CORO2B: variants seen among roughly 807,000 people sequenced by gnomAD.
The protein encoded by CORO2B is coronin 2B, also known as coronin-2B.
In CORO2B, 26 loss-of-function variants were observed where a neutral mutation model predicts 58.8. That is an observed-to-expected ratio of 0.44 (90% CI 0.32 to 0.61). The LOEUF is 0.61. CORO2B is among the 20% of genes least tolerant of loss of function. CORO2B has a pLI of 0.04. For synonymous variants in CORO2B, 242 were observed against 253.8 expected (o/e 0.95, Z 0.44); for missense variants, 460 against 645.1 (o/e 0.71, Z 3.11).
At chr15:68,519,827 G>A in the CORO2B span, among the ~76,000 whole-genome samples, 1 of 152,142 alleles carries the variant, frequency 6.6e-6, no homozygotes, top group Non-Finnish European at 1.5e-5. Flanking sequence ...AGCTCTCTAA[G>A]CATAGCAAGC....
At chr15:68,702,821 CTTTT>C (rs113249272) in intron 3 of CORO2B, among the ~76,000 whole-genome samples, 3 of 96,248 alleles carry the variant, frequency 3.1e-5, no homozygotes, top group East Asian at 2.7e-4. Flanking sequence ...TTTTCTTTTT[CTTTT>C]TTTTTTTTTT....
At chr15:68,547,575 C>T in the CORO2B span, among the ~76,000 whole-genome samples, 1 of 151,984 alleles carries the variant, frequency 6.6e-6, no homozygotes. Flanking sequence ...ATCTCCTGAC[C>T]TCATGATCCA....
intron 1 of CORO2B, among the ~76,000 whole-genome samples, chr15:68,627,178 C>T (rs986610323): frequency 6.6e-6 from 1 of 152,178 alleles, no homozygotes. Context: ...TATAAAATTT[C>T]ATTTTTACTT....
intron 2 of CORO2B, among the ~76,000 whole-genome samples, chr15:68,650,184 C>G (rs1006698575): frequency 7.2e-5 from 11 of 152,130 alleles, no homozygotes; most frequent in African/African-American, 2.7e-4. Flanking sequence ...GCCTGACCAA[C>G]ATGGAGAAAC....
Position 68,590,356 on chromosome 15 carries a change from G to GC in CORO2B, c.15+11086dup, listed in dbSNP as rs796453831. Reference sequence around the variant, plus strand: ...GGAACAACAAAGCTCTTCGGAGGCTGCCCCCCCATGCCCAGCCCTGCACTT... The same window carrying GC: ...GGAACAACAAAGCTCTTCGGAGGCTGCCCCCCCCATGCCCAGCCCTGCACTT... On this transcript the variant is annotated intron_variant, in intron 1 of 11. Coordinates refer to ENST00000261861, the MANE Select transcript of CORO2B (RefSeq NM_006091.5). Among the ~76,000 whole-genome samples the GC allele has an allele frequency of 8.5e-5, 13 of 152,116 alleles. No homozygotes were observed. The East Asian group carries it at 2.1e-3, about 25-fold the overall frequency.
chr15:68,645,230 A>G lies in CORO2B; in HGVS notation c.86A>G (p.His29Arg). The G allele has an allele frequency of 1.2e-6, 2 of 1,614,088 alleles. No homozygotes were observed. The highest frequency in any genetic ancestry group is 1.1e-5 in the South Asian group (1 of 91,076). The change falls in exon 2 of 12, where the codon CAC (histidine) becomes CGC (arginine). Residue 29 changes from histidine (H) to arginine (R), a missense_variant. Coordinates refer to ENST00000261861, the MANE Select transcript of CORO2B (RefSeq NM_006091.5). The surrounding 1 kb of genome is among the most constrained non-coding windows in gnomAD (Gnocchi z 4.5). ...NVYGKVANRE[H>R]CFDGIPITKN... ...TACGGGAAGGTGGCCAACCGGGAGCACTGCTTCGATGGGATCCCCATCACC... is the reference window on the plus strand; with the variant it reads ...TACGGGAAGGTGGCCAACCGGGAGCGCTGCTTCGATGGGATCCCCATCACC...
chr15:68,558,821 T>A, the CORO2B span, among the ~76,000 whole-genome samples: 1 of 152,166 alleles, frequency 6.6e-6, no homozygotes, highest in Non-Finnish European at 1.5e-5. Context: ...GCCAAAGCCC[T>A]GCCTTGACTG....
rs1387448540 is a variant in CORO2B, at chr15:68,715,245, A to G, written c.901A>G (p.Ser301Gly). 1.2e-6 allele frequency: 2 copies of G among 1,614,038 alleles called. No homozygotes were observed. The highest frequency in any genetic ancestry group is 1.1e-5 in the South Asian group (1 of 91,080). The change falls in exon 8 of 12, where the codon AGC (serine) becomes GGC (glycine). Residue 301 changes from serine to glycine, a missense_variant. Around this residue, in one of 2 missense-constraint regions of CORO2B, gnomAD observed 352 missense variants for 543.0 expected, o/e 0.65. Coordinates refer to ENST00000261861, the MANE Select transcript of CORO2B (RefSeq NM_006091.5). ...GDGNIRYYEI[S>G]TEKPYLSYLM... is the part of the protein sequence containing the mutation. ...TGGAAACATCCGGTACTACGAGATC[A>G]GCACTGAGAAGCCCTACCTGAGTTA...
chr15:68,525,285 C>T, the CORO2B span, among the ~76,000 whole-genome samples: 1 of 152,188 alleles, frequency 6.6e-6, no homozygotes, highest in Non-Finnish European at 1.5e-5. Flanking sequence ...CAGATACAAA[C>T]TTCATTTTCA....
Position 68,684,069 on chromosome 15 carries a change from G to A in CORO2B, c.217-11071G>A, listed in dbSNP as rs73425191. ...AAAATTAGGCAACAGTGTGTAAGGT[G>A]GATTGGAGAGAGAACTGAAAAGAGC... On this transcript the variant is annotated intron_variant, in intron 2 of 11. Coordinates refer to ENST00000261861, the MANE Select transcript of CORO2B (RefSeq NM_006091.5). Among the ~76,000 whole-genome samples, 1,372 of 152,268 alleles carry A rather than the reference G, an allele frequency of 9.0e-3. 20 individuals are homozygous for A. The highest frequency in any genetic ancestry group is 0.032 in the African/African-American group (1,321 of 41,534).
intron 2 of CORO2B, among the ~76,000 whole-genome samples, chr15:68,669,225 C>T (rs34564985): frequency 0.21 from 32,610 of 152,132 alleles, 3,653 homozygotes; most frequent in Non-Finnish European, 0.25. Context: ...AGACAGGACT[C>T]GGCCTTGAGA....
intron 1 of CORO2B, among the ~76,000 whole-genome samples, chr15:68,593,860 C>A (rs1186043868): frequency 6.6e-6 from 1 of 151,990 alleles, no homozygotes; most frequent in Admixed American, 6.6e-5. Flanking sequence ...GCACATGAGC[C>A]ATCCTGACCT....
chr15:68,639,544 C>A (rs1197993805), intron 1 of CORO2B, among the ~76,000 whole-genome samples: 1 of 152,154 alleles, frequency 6.6e-6, no homozygotes, highest in Non-Finnish European at 1.5e-5. Flanking sequence ...AGGTGGTAGA[C>A]CCCAAAACTC....
chr15:68,725,697 T>C, intron 11 of CORO2B, 146 bp from the exon 12 acceptor site: 2 of 1,007,358 alleles, frequency 2.0e-6, no homozygotes, highest in Non-Finnish European at 2.9e-6. Flanking sequence ...TAAATGCACC[T>C]GGGGAGAATA....
At chr15:68,624,840 G>A (rs1043309083) in intron 1 of CORO2B, among the ~76,000 whole-genome samples, 29 of 151,958 alleles carry the variant, frequency 1.9e-4, no homozygotes, top group African/African-American at 7.0e-4. Context: ...CTACCACCAC[G>A]CCCAGCAAAT....
Position 68,602,748 on chromosome 15 carries a change from GGTTC to G in CORO2B, c.15+23472_15+23475del, listed in dbSNP as rs538965673. Among the ~76,000 whole-genome samples, 18 of 152,288 alleles carry G rather than the reference GGTTC, an allele frequency of 1.2e-4. No individual in the cohort carries two copies. In the South Asian group the frequency reaches 3.3e-3, roughly 28 times the overall value. ...CATAGTTCTCTACATCAGTGAAGGA[GGTTC>G]TGTGCAATGTGCAACACCCACTTTC... is the stretch of plus-strand genomic sequence containing the variant. On this transcript the variant is annotated intron_variant, in intron 1 of 11. Coordinates refer to ENST00000261861, the MANE Select transcript of CORO2B (RefSeq NM_006091.5).
intron 1 of CORO2B, among the ~76,000 whole-genome samples, chr15:68,618,196 A>G (rs1900417734): frequency 6.6e-6 from 1 of 152,064 alleles, no homozygotes; most frequent in African/African-American, 2.4e-5. Flanking sequence ...CATGATATGC[A>G]CTCTATTTTC....
At chr15:68,578,726 C>T (rs576987714), upstream of CORO2B, among the ~76,000 whole-genome samples, 210 of 152,196 alleles carry the variant, frequency 1.4e-3, no homozygotes, top group Non-Finnish European at 2.3e-3. This position sits in a 1 kb window ranked among gnomAD's most constrained non-coding sequence, Gnocchi z 4.2. Context: ...CGCCCGTTCT[C>T]CCAGCCGGCA....
the CORO2B span, among the ~76,000 whole-genome samples, chr15:68,524,071 A>T: frequency 2.0e-5 from 3 of 151,904 alleles, no homozygotes; most frequent in Non-Finnish European, 2.9e-5. Flanking sequence ...ATAAAAAATT[A>T]AAAAATTAGC....
Sources: gnomAD v4.1 joint callset for allele counts (sites outside exome capture counted in the v4.1 genomes callset) on GRCh38, gnomAD v4.1.1 for gene constraint, gnomAD v4.1.1 regional missense constraint, Gnocchi (gnomAD v3.1) non-coding constraint, MANE v1.5 for transcripts, NCBI Gene and HGNC (gene_info 2026-07-23, HGNC 2026-07-21) for gene names.